CELF4: variants seen among roughly 807,000 people sequenced by gnomAD.
CELF4 encodes CUG-BP- and ETR-3-like factor 4.
A neutral mutation model predicts 59.9 loss-of-function variants in CELF4; 18 were observed. The ratio of observed to expected loss-of-function variants is 0.30; its 90% CI spans 0.21 to 0.45. The LOEUF is 0.45. Among genes scored for constraint, CELF4 ranks in the 20% least tolerant of loss-of-function variants. The pLI is 1.00. For synonymous variants in CELF4, 261 were observed against 267.1 expected (o/e 0.98, Z 0.22); for missense variants, 456 against 689.0 (o/e 0.66, Z 3.79).
intron 2 of CELF4, among the ~76,000 whole-genome samples, chr18:37,468,652 T>A (rs1475102529): frequency 6.6e-6 from 1 of 152,174 alleles, no homozygotes; most frequent in Non-Finnish European, 1.5e-5. Flanking sequence ...CTGGGTAATT[T>A]ATCAAGAAAA....
intron 2 of CELF4, among the ~76,000 whole-genome samples, chr18:37,449,602 G>A (rs2099757538): frequency 6.6e-6 from 1 of 152,178 alleles, no homozygotes; most frequent in Non-Finnish European, 1.5e-5. Flanking sequence ...CAATGAACAT[G>A]CAAGTCAGGG....
At chr18:37,249,924 G>T (rs2064413537) in intron 12 of CELF4, among the ~76,000 whole-genome samples, 1 of 152,138 alleles carries the variant, frequency 6.6e-6, no homozygotes. Context: ...GCCTGGACCC[G>T]ACACTCTCCA....
At chr18:37,560,375 C>T (rs929245520) in intron 1 of CELF4, among the ~76,000 whole-genome samples, 2 of 152,194 alleles carry the variant, frequency 1.3e-5, no homozygotes, top group African/African-American at 4.8e-5. Context: ...AATCATTTCC[C>T]AATATTTTTT....
intron 1 of CELF4, among the ~76,000 whole-genome samples, chr18:37,514,366 GA>G (rs1230101725): frequency 5.9e-5 from 9 of 152,274 alleles, no homozygotes; most frequent in African/African-American, 2.2e-4. Context: ...GGCTTTCATG[GA>G]AATCATGGGT....
chr18:37,274,756 T>A, intron 5 of CELF4, 49 bp downstream of exon 5: 1 of 1,513,986 alleles, frequency 6.6e-7, no homozygotes, highest in Non-Finnish European at 8.8e-7. Context: ...GGTGCTGGGG[T>A]CTCGGCCCGC....
rs964049663 is a variant in CELF4 at position 37,275,333 on chromosome 18, G to A, written c.449-90C>T. ...CCGGAGGGGGAGAGCGGCAGGGAAA[G>A]GGAGGAGCCGGGGAGGCGGGGCGGG... On this transcript the variant is annotated intron_variant, in intron 3 of 12. Coordinates refer to ENST00000420428, the MANE Select transcript of CELF4 (RefSeq NM_020180.4). 4.6e-5 allele frequency: 69 copies of A among 1,501,890 alleles called. No homozygotes were observed. In the African/African-American group the frequency reaches 8.0e-4, roughly 17 times the overall value. The allele number at this position is 1,501,890 out of a possible 1,614,324, so 93.0% of individuals were successfully genotyped here.
At chr18:37,560,198 T>C (rs181821540) in intron 1 of CELF4, among the ~76,000 whole-genome samples, 1 of 152,348 alleles carries the variant, frequency 6.6e-6, no homozygotes, top group East Asian at 1.9e-4. Context: ...CCAGCCCTGG[T>C]TTCCATATGT....
chr18:37,397,912 C>T (rs1186634234), intron 2 of CELF4, among the ~76,000 whole-genome samples: 2 of 152,160 alleles, frequency 1.3e-5, no homozygotes, highest in Admixed American at 1.3e-4. Context: ...CTTGGATGTG[C>T]TTTGTTCCAA....
At chr18:37,341,704 G>A (rs2154548480) in intron 2 of CELF4, among the ~76,000 whole-genome samples, 1 of 152,252 alleles carries the variant, frequency 6.6e-6, no homozygotes. Flanking sequence ...GACCCTGCCT[G>A]GGGTGGAGTT....
chr18:37,430,019 TC>T (rs2099638555), intron 2 of CELF4, among the ~76,000 whole-genome samples: 1 of 152,204 alleles, frequency 6.6e-6, no homozygotes, highest in African/African-American at 2.4e-5. Flanking sequence ...GCCCTTTGTC[TC>T]AGGCACCTCC....
chr18:37,380,377 C>A lies in CELF4; in HGVS notation c.370-58496G>T, dbSNP rs573741226. Among the ~76,000 whole-genome samples the A allele has an allele frequency of 3.0e-4, 46 of 152,324 alleles. 2 individuals are homozygous for A. Among genetic ancestry groups the A allele is most frequent in the African/African-American group, 1.1e-3 (45 of 41,574 alleles). ...AGCTCTCTCTCCCAACTACTCCTCCCAAACCCATTCTCATGTCTTTGCCCA... is the reference window on the plus strand; with the variant it reads ...AGCTCTCTCTCCCAACTACTCCTCCAAAACCCATTCTCATGTCTTTGCCCA... On this transcript the variant is annotated intron_variant, in intron 2 of 12. Coordinates refer to ENST00000420428, the MANE Select transcript of CELF4 (RefSeq NM_020180.4).
At chr18:37,523,232 G>T (rs1295330526) in intron 1 of CELF4, among the ~76,000 whole-genome samples, 1 of 152,174 alleles carries the variant, frequency 6.6e-6, no homozygotes, top group African/African-American at 2.4e-5. Flanking sequence ...AGTCTTCAGA[G>T]GCTCGTTTGT....
At chr18:37,416,369 C>T (rs1468091548) in intron 2 of CELF4, among the ~76,000 whole-genome samples, 3 of 151,566 alleles carry the variant, frequency 2.0e-5, no homozygotes, top group Non-Finnish European at 4.4e-5. Flanking sequence ...TCCTGGGTTT[C>T]ACCTCCAGGA....
chr18:37,340,081 G>T (rs534905821), intron 2 of CELF4, among the ~76,000 whole-genome samples: 1 of 152,158 alleles, frequency 6.6e-6, no homozygotes, highest in Admixed American at 6.5e-5. Flanking sequence ...TTGAAATGGG[G>T]TCTCCCCCTT....
chr18:37,246,007 G>A lies in CELF4; in HGVS notation c.*45-810C>T, dbSNP rs758801461. 6.6e-6 allele frequency among the ~76,000 whole-genome samples: 1 copy of A among 152,162 alleles called. No individual in the cohort carries two copies. Among genetic ancestry groups the A allele is most frequent in the Non-Finnish European group, 1.5e-5 (1 of 68,030 alleles). ...GTGCTTGATTTTGTTTTGAATGGTG[G>A]CTTTTTGGTGTTTTGTTTTGCTTTA... On this transcript the variant is annotated intron_variant, in intron 12 of 12. Coordinates refer to ENST00000420428, the MANE Select transcript of CELF4 (RefSeq NM_020180.4). This position sits in a 1 kb window ranked among gnomAD's most constrained non-coding sequence, Gnocchi z 5.3.
intron 2 of CELF4, among the ~76,000 whole-genome samples, chr18:37,403,501 G>A (rs1246808860): frequency 6.6e-6 from 1 of 152,168 alleles, no homozygotes; most frequent in Non-Finnish European, 1.5e-5. Context: ...TGGAGTGGAG[G>A]GACAGGGCCA....
chr18:37,509,552 T>C (rs1187184187), intron 1 of CELF4, among the ~76,000 whole-genome samples: 2 of 152,242 alleles, frequency 1.3e-5, no homozygotes, highest in Non-Finnish European at 2.9e-5. Flanking sequence ...TCAATGAGTA[T>C]TGAGTTCATC....
intron 3 of CELF4, among the ~76,000 whole-genome samples, chr18:37,314,448 G>C (rs531545486): frequency 6.6e-6 from 1 of 152,220 alleles, no homozygotes; most frequent in Non-Finnish European, 1.5e-5. Flanking sequence ...GAGTGAGACT[G>C]TCTCAAAAGA....
chr18:37,372,679 A>G (rs2098915391), intron 2 of CELF4, among the ~76,000 whole-genome samples: 1 of 152,260 alleles, frequency 6.6e-6, no homozygotes, highest in Non-Finnish European at 1.5e-5. Flanking sequence ...ATATATTTTC[A>G]ATGGAAACAA....
Sources: gnomAD v4.1 joint callset for allele counts (sites outside exome capture counted in the v4.1 genomes callset) on GRCh38, gnomAD v4.1.1 for gene constraint, Gnocchi (gnomAD v3.1) non-coding constraint, MANE v1.5 for transcripts, NCBI Gene and HGNC (gene_info 2026-07-23, HGNC 2026-07-21) for gene names.